CENPI: variants seen among roughly 807,000 people sequenced by gnomAD.
The protein encoded by CENPI is centromere protein I.
In CENPI, 4 loss-of-function variants were observed where a neutral mutation model predicts 60.4. The ratio of observed to expected loss-of-function variants is 0.07; its 90% CI spans 0.03 to 0.15. The LOEUF (loss-of-function observed/expected upper bound fraction) is 0.15. CENPI is among the 10% of genes least tolerant of loss of function. The pLI is 1.00. For missense variants in CENPI, 444 were observed against 534.5 expected (o/e 0.83, Z 1.67); for synonymous variants, 157 against 189.4 (o/e 0.83, Z 1.40).
chrX:101,147,943 A>G lies in CENPI; in HGVS notation c.1876A>G (p.Thr626Ala). Residue 626 changes from threonine (T) to alanine (A), a missense_variant and splice_region_variant, in exon 20 of 22, where the codon ACA becomes GCA. Coordinates refer to ENST00000682095, the MANE Select transcript of CENPI (RefSeq NM_001386188.2). ...CAATTTTTTATTTCTTTCCCATTAG[A>G]CAAAATCAGAGTTCAATTTCAGCAG... ...AAKKNELVQK[T>A]KSEFNFSSKT... The G allele has an allele frequency of 8.3e-7, 1 of 1,204,560 alleles. No individual in the cohort carries two copies. The highest frequency in any genetic ancestry group is 1.8e-5 in the South Asian group (1 of 56,097).
intron 6 of CENPI, among the ~76,000 whole-genome samples, chrX:101,110,293 T>C (rs1323693397): frequency 8.9e-6 from 1 of 112,041 alleles, no homozygotes; most frequent in African/African-American, 3.2e-5. Context: ...TGATTCCACG[T>C]TGGAGTCTTG....
chrX:101,126,842 GT>G, intron 9 of CENPI, 44 bp downstream of exon 9: 1 of 1,022,432 alleles, frequency 9.8e-7, no homozygotes, highest in Middle Eastern at 2.6e-4. Flanking sequence ...ATTGAAATAT[GT>G]TATTTTTGGT....
chrX:101,103,145 C>T (rs929707200), intron 4 of CENPI, among the ~76,000 whole-genome samples: 1 of 107,709 alleles, frequency 9.3e-6, no homozygotes, highest in African/African-American at 3.4e-5. Context: ...AGGTGCCTGC[C>T]ACCACGCCCG....
At chrX:101,148,366 T>C (rs761856155) in intron 20 of CENPI, among the ~76,000 whole-genome samples, 1 of 111,849 alleles carries the variant, frequency 8.9e-6, no homozygotes, top group South Asian at 3.7e-4. Context: ...GAGCTTGAGC[T>C]TGTAACAGAG....
At chrX:101,137,200 A>G (rs1221586868) in intron 15 of CENPI, among the ~76,000 whole-genome samples, 1 of 112,587 alleles carries the variant, frequency 8.9e-6, no homozygotes, top group Non-Finnish European at 1.9e-5. Context: ...GGCGCGAGCC[A>G]CTATACCTGG....
At position 101,127,562 on chromosome X, in the gene CENPI, A is replaced by T. The variant is rs1174920575; in HGVS notation, c.971A>T (p.Lys324Ile). The change falls in exon 11 of 22, where the codon AAA becomes ATA. Residue 324 changes from lysine to isoleucine, a missense_variant. Physicochemically the swap from Lys to Ile is moderately radical, Grantham distance 102. Coordinates refer to ENST00000682095, the MANE Select transcript of CENPI (RefSeq NM_001386188.2). ...AGTAGCTACACTAAAGAATGTGGAA[A>T]AAAAGAGATGAGTCTTTCTGATTGT... ...NSSSYTKECGKKEMSLSDCLN... is the reference protein window; with the variant it reads ...NSSSYTKECGIKEMSLSDCLN... 8 of 1,198,078 alleles carry T rather than the reference A, an allele frequency of 6.7e-6. No individual in the cohort carries two copies. The highest frequency in any genetic ancestry group is 9.0e-6 in the Non-Finnish European group (8 of 885,484).
At position 101,153,167 on chromosome X, in the gene CENPI, C is replaced by T. The variant is rs1907791041; in HGVS notation, c.2094+5006C>T. Among the ~76,000 whole-genome samples the T allele has an allele frequency of 1.8e-5, 2 of 111,188 alleles. 1 individual carries two copies. The highest frequency in any genetic ancestry group is 7.6e-4 in the South Asian group (2 of 2,645). ...GGTATTTCATTGTGGTATTGATTTG[C>T]ATTTCCATGGTAGCTATTGATGTTT... On this transcript the variant is annotated intron_variant, in intron 20 of 21. Transcript: ENST00000682095.
At chrX:101,135,013 C>CA (rs60728769) in intron 15 of CENPI, among the ~76,000 whole-genome samples, 2,235 of 95,830 alleles carry the variant, frequency 0.023, 57 homozygotes, top group African/African-American at 0.08. Context: ...GATTCCATCT[C>CA]AAAAAAAAAA....
intron 4 of CENPI, among the ~76,000 whole-genome samples, chrX:101,108,907 A>C (rs2089518175): frequency 9.0e-6 from 1 of 110,784 alleles, no homozygotes. Context: ...TCGGCCTCCC[A>C]AAGTGTTAGG....
At position 101,127,268 on chromosome X, in the gene CENPI, T is replaced by C; in HGVS notation, c.906+2T>C. Reference sequence around the variant, plus strand: ...GCTAATGTTCGTCCTCTAAAAAGAGTAAGTATCTAAAGCTCAAACAACTTG... The same window carrying C: ...GCTAATGTTCGTCCTCTAAAAAGAGCAAGTATCTAAAGCTCAAACAACTTG... On this transcript the variant is annotated splice_donor_variant, in intron 10 of 21. Transcript: ENST00000682095. LOFTEE classifies it high-confidence loss of function. The C allele has an allele frequency of 5.2e-6, 6 of 1,161,533 alleles. No homozygotes were observed. Among genetic ancestry groups the C allele is most frequent in the Non-Finnish European group, 6.9e-6 (6 of 873,587 alleles).
chrX:101,119,937 T>G (rs974944747), intron 6 of CENPI, among the ~76,000 whole-genome samples: 1 of 111,394 alleles, frequency 9.0e-6, no homozygotes, highest in African/African-American at 3.3e-5. Context: ...GGAGGATCAC[T>G]TGAGGCCAGG....
Position 101,120,393 on chromosome X carries a change from T to G in CENPI, c.592-9T>G. On this transcript the variant is annotated splice_polypyrimidine_tract_variant and intron_variant, in intron 6 of 21. Transcript: ENST00000682095. ...TCATTTCTCTTAATATTTTTTTATG[T>G]TTTAACAGTGCCCTTATGTTTGCCA... The G allele has an allele frequency of 1.1e-6, 1 of 881,457 alleles. No homozygotes were observed. Among genetic ancestry groups the G allele is most frequent in the African/African-American group, 1.9e-5 (1 of 51,628 alleles). 72.6% of individuals were successfully genotyped at this position (881,457 alleles called of 1,213,427 possible).
At position 101,148,026 on chromosome X, in the gene CENPI, G is replaced by A. The variant is rs2089976760; in HGVS notation, c.1959G>A (p.Thr653=). ...CATCAATGGTTGGTTGCCTGTGGAC[G>A]TCCAAACCCTTTGGGAAAGGAATAT... is the stretch of plus-strand genomic sequence containing the variant. ...YLTSMVGCLW[T]SKPFGKGIYI... Residue 653 remains threonine (T), a synonymous_variant, in exon 20 of 22, where the codon ACG becomes ACA. Transcript: ENST00000682095. 2.5e-6 allele frequency: 3 copies of A among 1,190,109 alleles called. No homozygotes were observed. The highest frequency in any genetic ancestry group is 3.0e-5 in the East Asian group (1 of 33,677).
intron 21 of CENPI, among the ~76,000 whole-genome samples, chrX:101,162,473 A>AAAAATATAT (rs1303045267): frequency 2.9e-5 from 2 of 68,129 alleles, no homozygotes; most frequent in African/African-American, 1.4e-4. Context: ...AAAAAAAAAA[A>AAAAATATAT]ATATATATAT....
At chrX:101,102,757 G>T (rs2089436073) in intron 4 of CENPI, among the ~76,000 whole-genome samples, 1 of 109,059 alleles carries the variant, frequency 9.2e-6, no homozygotes, top group African/African-American at 3.3e-5. Context: ...TCAGCTCACT[G>T]CTACCTCTGC....
At chrX:101,121,587 C>A (rs977686892) in intron 8 of CENPI, among the ~76,000 whole-genome samples, 4 of 109,889 alleles carry the variant, frequency 3.6e-5, no homozygotes, top group Non-Finnish European at 5.7e-5. Context: ...CTGCACCCGG[C>A]CTGCTTGAGA....
intron 15 of CENPI, among the ~76,000 whole-genome samples, chrX:101,137,894 G>T (rs1423594825): frequency 1.1e-5 from 1 of 94,232 alleles, no homozygotes; most frequent in East Asian, 3.6e-4. Flanking sequence ...TCAGGCAGAG[G>T]TTTAATGGCT....
the CENPI span, among the ~76,000 whole-genome samples, chrX:101,177,884 A>C: frequency 1.2e-4 from 13 of 112,298 alleles, no homozygotes; most frequent in African/African-American, 3.9e-4. Context: ...GTGGAGATGC[A>C]GGGGCTATTG....
downstream of CENPI, among the ~76,000 whole-genome samples, chrX:101,169,711 A>C (rs998054440): frequency 2.7e-5 from 3 of 111,905 alleles, no homozygotes; most frequent in African/African-American, 6.5e-5. Context: ...TTATCATCAG[A>C]GATGACAGCT....
Sources: gnomAD v4.1 joint callset for allele counts (sites outside exome capture counted in the v4.1 genomes callset) on GRCh38, gnomAD v4.1.1 for gene constraint, MANE v1.5 for transcripts, NCBI Gene and HGNC (gene_info 2026-07-23, HGNC 2026-07-21) for gene names.